The following FCHSD2 variants were observed in gnomAD, a reference collection of about 807,000 sequenced individuals.
The protein encoded by FCHSD2 is FCH and double SH3 domains 2.
A neutral mutation model predicts 108.1 loss-of-function variants in FCHSD2; 38 were observed. The ratio of observed to expected loss-of-function variants is 0.35; its 90% CI spans 0.27 to 0.46. The LOEUF (loss-of-function observed/expected upper bound fraction) is 0.46. Ranked by LOEUF, FCHSD2 falls within the 20% of genes least tolerant of loss-of-function variation. FCHSD2 has a pLI of 1.00. For synonymous variants in FCHSD2, 279 were observed against 314.7 expected (o/e 0.89, Z 1.20); for missense variants, 751 against 897.8 (o/e 0.84, Z 2.09).
chr11:72,918,848 G>C (rs947572982), intron 9 of FCHSD2, among the ~76,000 whole-genome samples: 8 of 151,880 alleles, frequency 5.3e-5, no homozygotes, highest in African/African-American at 1.9e-4. Context: ...AATTATAAAG[G>C]CCAGTAGAGC....
chr11:73,028,965 A>G (rs928600389), intron 3 of FCHSD2, among the ~76,000 whole-genome samples: 56 of 152,172 alleles, frequency 3.7e-4, no homozygotes, highest in African/African-American at 1.3e-3. Flanking sequence ...TTTTCTTTAT[A>G]AATTACCCAG....
chr11:73,135,821 T>C (rs1281758570), intron 2 of FCHSD2, among the ~76,000 whole-genome samples: 1 of 152,106 alleles, frequency 6.6e-6, no homozygotes, highest in Non-Finnish European at 1.5e-5. Context: ...AAAAACTGTA[T>C]CATAATTGGT....
chr11:73,097,844 G>A (rs998709736), intron 2 of FCHSD2, among the ~76,000 whole-genome samples: 6 of 151,816 alleles, frequency 4.0e-5, no homozygotes, highest in African/African-American at 1.5e-4. Flanking sequence ...TATTTACTCT[G>A]TCTATCTATT....
chr11:73,056,918 T>C (rs1287522202), intron 3 of FCHSD2, among the ~76,000 whole-genome samples: 1 of 151,792 alleles, frequency 6.6e-6, no homozygotes, highest in African/African-American at 2.4e-5. Flanking sequence ...CCATCTCTAC[T>C]AAAAATACAA....
At chr11:73,102,438 A>G (rs368775478) in intron 2 of FCHSD2, among the ~76,000 whole-genome samples, 25 of 152,328 alleles carry the variant, frequency 1.6e-4, no homozygotes, top group African/African-American at 5.1e-4. Flanking sequence ...TGTGTACAAA[A>G]TGTGTACAGC....
intron 3 of FCHSD2, among the ~76,000 whole-genome samples, chr11:73,050,092 T>C (rs1443366460): frequency 6.6e-6 from 1 of 152,236 alleles, no homozygotes; most frequent in Non-Finnish European, 1.5e-5. Flanking sequence ...TAAATATTTT[T>C]GGCTCTGCAG....
rs567455954 is a variant in FCHSD2, at chr11:72,873,258, G to A, written c.1147-5232C>T. ...GCAGGAGAATCGCTTGAACCTGGGA[G>A]GTGGAGGCTGCAGTGAACCGAGATC... On this transcript the variant is annotated intron_variant, in intron 12 of 19. Coordinates refer to ENST00000409418, the MANE Select transcript of FCHSD2 (RefSeq NM_014824.3). Among the ~76,000 whole-genome samples, 4 of 152,076 alleles carry A rather than the reference G, an allele frequency of 2.6e-5. 1 individual carries two copies. The highest frequency in any genetic ancestry group is 9.6e-5 in the African/African-American group (4 of 41,458).
chr11:73,076,429 G>A (rs1328727882), intron 3 of FCHSD2, among the ~76,000 whole-genome samples: 7 of 152,176 alleles, frequency 4.6e-5, no homozygotes, highest in Admixed American at 2.0e-4. Context: ...CTAAGCGAAA[G>A]AAGACAGACA....
intron 3 of FCHSD2, among the ~76,000 whole-genome samples, chr11:73,041,594 T>G: frequency 6.8e-6 from 1 of 146,886 alleles, no homozygotes; most frequent in South Asian, 2.1e-4. Flanking sequence ...GGAGTTTTTT[T>G]GTTTGTTTGT....
At chr11:73,036,385 C>T (rs554560901) in intron 3 of FCHSD2, among the ~76,000 whole-genome samples, 13 of 151,312 alleles carry the variant, frequency 8.6e-5, no homozygotes, top group South Asian at 8.4e-4. Context: ...AACGTTATAT[C>T]GGTCTTTGGA....
intron 14 of FCHSD2, among the ~76,000 whole-genome samples, chr11:72,848,950 C>G (rs1861216291): frequency 6.6e-6 from 1 of 152,160 alleles, no homozygotes; most frequent in Admixed American, 6.6e-5. Flanking sequence ...AAAATGCTAA[C>G]ACTTTCAATG....
chr11:73,132,177 GA>G (rs1243417924), intron 2 of FCHSD2, among the ~76,000 whole-genome samples: 1 of 152,186 alleles, frequency 6.6e-6, no homozygotes, highest in Non-Finnish European at 1.5e-5. Flanking sequence ...AGAAATGTAA[GA>G]ATGTAAAACA....
intron 3 of FCHSD2, among the ~76,000 whole-genome samples, chr11:73,030,930 A>T (rs1446779231): frequency 6.6e-6 from 1 of 151,998 alleles, no homozygotes; most frequent in Non-Finnish European, 1.5e-5. Context: ...CGCGTCCTGA[A>T]TTTCTGCTAT....
intron 8 of FCHSD2, among the ~76,000 whole-genome samples, chr11:72,949,483 A>G (rs1043408564): frequency 1.3e-5 from 2 of 151,948 alleles, no homozygotes; most frequent in African/African-American, 2.4e-5. Flanking sequence ...GAAAGGAAAG[A>G]AAAAGAAAAG....
chr11:72,962,729 T>C (rs930460537), intron 8 of FCHSD2, among the ~76,000 whole-genome samples: 10 of 151,024 alleles, frequency 6.6e-5, no homozygotes, highest in Non-Finnish European at 1.5e-4. Context: ...AAAATACCAA[T>C]AATCATCAGG....
At chr11:73,016,160 G>A (rs975773687) in intron 3 of FCHSD2, among the ~76,000 whole-genome samples, 13 of 152,052 alleles carry the variant, frequency 8.5e-5, no homozygotes, top group Admixed American at 3.3e-4. Context: ...AAAATTAGCC[G>A]GGTGTGGTAG....
At chr11:72,979,213 A>T (rs1186724768) in intron 8 of FCHSD2, among the ~76,000 whole-genome samples, 3 of 152,192 alleles carry the variant, frequency 2.0e-5, no homozygotes, top group Non-Finnish European at 2.9e-5. Flanking sequence ...GCAATAAAAA[A>T]TGCTGGTAAG....
chr11:73,022,486 T>C (rs1858131999), intron 3 of FCHSD2, among the ~76,000 whole-genome samples: 1 of 152,180 alleles, frequency 6.6e-6, no homozygotes, highest in Non-Finnish European at 1.5e-5. Context: ...CAACTGGAAT[T>C]TGAAATTTTA....
intron 13 of FCHSD2, among the ~76,000 whole-genome samples, chr11:72,866,275 T>TG (rs987550168): frequency 1.5e-5 from 2 of 135,258 alleles, no homozygotes; most frequent in African/African-American, 5.3e-5. Context: ...TGTTTTGTTT[T>TG]TTTTGTTTTT....
Sources: allele counts gnomAD v4.1 joint callset (sites outside exome capture counted in the v4.1 genomes callset), GRCh38; gene constraint gnomAD v4.1.1; transcripts MANE v1.5; gene names NCBI Gene and HGNC (gene_info 2026-07-23, HGNC 2026-07-21).